IGFN1: variants seen among roughly 807,000 people sequenced by gnomAD.
IGFN1 encodes immunoglobulin-like and fibronectin type III domain-containing protein 1.
IGFN1 carries 253 observed loss-of-function variants against 289.5 expected under a neutral mutation model. The observed-to-expected ratio is 0.87, with a 90% CI of 0.79 to 0.97. The LOEUF is 0.97. Among genes scored for constraint, IGFN1 ranks in the 50% least tolerant of loss-of-function variants. IGFN1 has a pLI of 0.00. For missense variants in IGFN1, 4,470 were observed against 4,686.1 expected (o/e 0.95, Z 1.35); for synonymous variants, 1,706 against 1,788.5 (o/e 0.95, Z 1.16).
chr1:201,199,253 C>A, intron 5 of IGFN1, 81 bp from the exon 6 acceptor site: 1 of 1,245,584 alleles, frequency 8.0e-7, no homozygotes, highest in Non-Finnish European at 1.2e-6. Context: ...CCATCAGTTT[C>A]TCAGGAAGAC....
chr1:201,212,604 G>T lies in IGFN1; in HGVS notation c.7711G>T (p.Gly2571Trp), dbSNP rs759044374. The T allele has an allele frequency of 2.7e-5, 41 of 1,546,474 alleles. No individual in the cohort carries two copies. Among genetic ancestry groups the T allele is most frequent in the Middle Eastern group, 1.7e-4 (1 of 5,978 alleles). The change falls in exon 12 of 24, where the codon GGG becomes TGG. Residue 2571 changes from glycine (G) to tryptophan (W), a missense_variant. By Grantham distance (184) the Gly-to-Trp change is radical. Transcript: ENST00000335211. ...CAGGGGTAGAGTTGCTGGCCAGGGG[G>T]GGTTGGCATCTCAGGGAGGTGGGGA... The part of the protein sequence containing the change: ...TDRGRVAGQG[G>W]LASQGGGDSL...
Position 201,224,827 on chromosome 1 carries a change from C to T in IGFN1, c.10439C>T (p.Thr3480Ile). ...GGTCTCTACACTGTGGTGCTGAGGA[C>T]CCTGCAGGGGAAGGAGGTTGCCCAC... The part of the protein sequence containing the change: ...DSGLYTVVLR[T>I]LQGKEVAHSF... The change falls in exon 21 of 24, where the codon ACC becomes ATC. Residue 3480 changes from threonine (T) to isoleucine (I), a missense_variant. Thr to Ile is a moderately conservative substitution (Grantham distance 89). Coordinates refer to ENST00000335211, the MANE Select transcript of IGFN1 (RefSeq NM_001164586.2). The T allele has an allele frequency of 6.2e-7, 1 of 1,614,082 alleles. No individual in the cohort carries two copies.
In IGFN1 at chr1:201,192,869, G is replaced by T. The variant is rs964346674; in HGVS notation, c.-47-378G>T. On this transcript the variant is annotated intron_variant, in intron 1 of 23. Transcript: ENST00000335211. ...CAGCTGAATCCTTACACAGCTGAAA[G>T]GATCCTGAATGGGTCTGATTTCCTC... Among the ~76,000 whole-genome samples, 9 of 152,202 alleles carry T rather than the reference G, an allele frequency of 5.9e-5. No homozygotes were observed. The South Asian group carries it at 1.0e-3, about 18-fold the overall frequency.
chr1:201,193,104 C>T, intron 1 of IGFN1, 143 bp from the exon 2 acceptor site: 1 of 585,972 alleles, frequency 1.7e-6, no homozygotes, highest in Non-Finnish European at 3.1e-6. Flanking sequence ...CTAATCAGTG[C>T]CATTAGTGGG....
At chr1:201,202,214 G>A (rs1161154034) in intron 9 of IGFN1, among the ~76,000 whole-genome samples, 1 of 152,176 alleles carries the variant, frequency 6.6e-6, no homozygotes, top group Admixed American at 6.5e-5. Context: ...CCAACCAGAT[G>A]GGGGCAGAGG....
At position 201,209,088 on chromosome 1, in the gene IGFN1, C is replaced by T; in HGVS notation, c.4195C>T (p.Pro1399Ser). ...GAGYRAGLRG[P>S]GEMGSLDESG... ...AGGTTACAGGGCTGGTTTAAGGGGT[C>T]CTGGGGAGATGGGGTCACTGGATGA... is the stretch of plus-strand genomic sequence containing the variant. The change falls in exon 12 of 24, where the codon CCT (proline) becomes TCT (serine). Residue 1399 changes from proline to serine, a missense_variant. This residue lies in a region of IGFN1 where 2,011 missense variants were observed against 1,953.4 expected (regional missense o/e 1.03). Transcript: ENST00000335211. The T allele has an allele frequency of 6.5e-7, 1 of 1,530,658 alleles. No individual in the cohort carries two copies. Among genetic ancestry groups the T allele is most frequent in the Non-Finnish European group, 8.7e-7 (1 of 1,145,232 alleles). The allele number at this position is 1,530,658 out of a possible 1,614,324, so 94.8% of individuals were successfully genotyped here.
At chr1:201,195,228 TACA>T (rs903024295) in intron 3 of IGFN1, among the ~76,000 whole-genome samples, 1 of 152,028 alleles carries the variant, frequency 6.6e-6, no homozygotes, top group African/African-American at 2.4e-5. Context: ...CTCTGATCAC[TACA>T]ACATCTGCCT....
intron 11 of IGFN1, 114 bp from the exon 12 acceptor site, chr1:201,205,969 G>T (rs1251091995): frequency 3.1e-5 from 24 of 763,992 alleles, no homozygotes; most frequent in Admixed American, 7.9e-5. Flanking sequence ...TCCAGGTCAG[G>T]CAAGCAGCTG....
In IGFN1 at chr1:201,228,430, C is replaced by G. The variant is rs768322162; in HGVS notation, c.*31C>G. The G allele has an allele frequency of 1.2e-6, 2 of 1,611,756 alleles. No homozygotes were observed. The highest frequency in any genetic ancestry group is 1.7e-6 in the Non-Finnish European group (2 of 1,177,856). On this transcript the variant is annotated 3_prime_UTR_variant, in exon 24 of 24. Coordinates refer to ENST00000335211, the MANE Select transcript of IGFN1 (RefSeq NM_001164586.2). ...CCTCACCCTGGGATGGTCCTGGACC[C>G]TTGAAGCTTCACTTCCGACACCTGC... is the stretch of plus-strand genomic sequence containing the variant.
rs1490622934 is a variant in IGFN1 at position 201,196,715 on chromosome 1, A to G, written c.268-503A>G. ...GTGCCTGGCCTATAGTGAGTACTCAATCAATCTTGGCTAATCTGAGCAATA... is the reference window on the plus strand; with the variant it reads ...GTGCCTGGCCTATAGTGAGTACTCAGTCAATCTTGGCTAATCTGAGCAATA... On this transcript the variant is annotated intron_variant, in intron 4 of 23. Transcript: ENST00000335211. Among the ~76,000 whole-genome samples the G allele has an allele frequency of 2.0e-5, 3 of 152,334 alleles. 1 individual carries two copies. The highest frequency in any genetic ancestry group is 4.4e-5 in the Non-Finnish European group (3 of 68,028).
rs1266978812 is a variant in IGFN1 at position 201,210,047 on chromosome 1, G to A, written c.5154G>A (p.Glu1718=). ...ATAGGAAGGATTTGGGGGCTCCTGA[G>A]GGAATGGGTTCAGGGAGTAAGGCAG... is the stretch of plus-strand genomic sequence containing the variant. The part of the protein sequence containing the change: ...AGYRKDLGAP[E]GMGSGSKAGF... The change falls in exon 12 of 24, where the codon GAG becomes GAA. Residue 1718 remains glutamate (E), a synonymous_variant. Transcript: ENST00000335211. The A allele has an allele frequency of 1.4e-6, 2 of 1,436,910 alleles. No homozygotes were observed. Among genetic ancestry groups the A allele is most frequent in the Admixed American group, 2.3e-5 (1 of 43,886 alleles). 89.0% of individuals were successfully genotyped at this position (1,436,910 alleles called of 1,614,324 possible). A position where few individuals can be genotyped will look rare whatever the true frequency, so the allele number is the denominator to read the frequency against.
chr1:201,204,439 AG>A (rs1026526892), intron 10 of IGFN1, among the ~76,000 whole-genome samples: 7 of 152,202 alleles, frequency 4.6e-5, no homozygotes, highest in Middle Eastern at 3.2e-3. Flanking sequence ...TGCCAGCTCA[AG>A]GGGGTTCTTG....
rs1239094733 is a variant in IGFN1, at chr1:201,205,179, T to A, written c.1014T>A (p.Ser338Arg). The change falls in exon 11 of 24, where the codon AGT (serine) becomes AGA (arginine). Residue 338 changes from serine (S) to arginine (R), a missense_variant. Physicochemically the swap from Ser to Arg is moderately radical, Grantham distance 110. Around this residue, in one of 8 missense-constraint regions of IGFN1, gnomAD observed 2,011 missense variants for 1,953.4 expected, o/e 1.03. Transcript: ENST00000335211. ...GTACCCTCTCCAGCCCCTGCCCTAG[T>A]GCAGCCTGGCATTTCCGGCACCGGC... ...FECTLSSPCPSAAWHFRHRLL... is the reference protein window; with the variant it reads ...FECTLSSPCPRAAWHFRHRLL... The A allele has an allele frequency of 6.4e-7, 1 of 1,551,304 alleles. No homozygotes were observed. The highest frequency in any genetic ancestry group is 8.7e-7 in the Non-Finnish European group (1 of 1,146,978).
chr1:201,196,256 C>T (rs1399391490), intron 4 of IGFN1, among the ~76,000 whole-genome samples: 2 of 152,292 alleles, frequency 1.3e-5, no homozygotes, highest in East Asian at 3.9e-4. Flanking sequence ...CCCAGGCCCA[C>T]CACCTTGGCT....
intron 7 of IGFN1, 126 bp downstream of exon 7, chr1:201,199,780 T>G (rs1667069758): frequency 4.0e-6 from 3 of 749,542 alleles, no homozygotes; most frequent in Non-Finnish European, 6.6e-6. Context: ...AGACTGCCAG[T>G]AGCAGATGGG....
At chr1:201,214,435 G>A (rs1558152782) in intron 13 of IGFN1, 134 bp downstream of exon 13, 5 of 893,850 alleles carry the variant, frequency 5.6e-6, no homozygotes, top group Non-Finnish European at 4.9e-6. Context: ...CTCAGGAGAA[G>A]TTTAAATAGC....
Position 201,211,142 on chromosome 1 carries a change from G to T in IGFN1, c.6249G>T (p.Gly2083=). The T allele has an allele frequency of 6.5e-7, 1 of 1,527,924 alleles. No homozygotes were observed. The highest frequency in any genetic ancestry group is 8.8e-7 in the Non-Finnish European group (1 of 1,141,624). The allele number at this position is 1,527,924 out of a possible 1,614,324, so 94.6% of individuals were successfully genotyped here. A position where few individuals can be genotyped will look rare whatever the true frequency, so the allele number is the denominator to read the frequency against. ...GGGCTCCTAAGGGAATGGGTTCAGG[G>T]AGTAAGACAGGTTTCAGGGATGGTT... ...DLGAPKGMGS[G]SKTGFRDGLG... Residue 2083 remains glycine (G), a synonymous_variant, in exon 12 of 24, where the codon GGG becomes GGT. Transcript: ENST00000335211.
intron 19 of IGFN1, 132 bp from the exon 20 acceptor site, chr1:201,222,607 C>A (rs961192130): frequency 5.0e-6 from 3 of 598,920 alleles, no homozygotes; most frequent in South Asian, 4.2e-5. Flanking sequence ...TTTAGAGGCC[C>A]CAGTATGTTG....
chr1:201,210,918 G>A lies in IGFN1; in HGVS notation c.6025G>A (p.Gly2009Ser), dbSNP rs1414458916. 4.7e-6 allele frequency: 7 copies of A among 1,473,802 alleles called. No homozygotes were observed. The highest frequency in any genetic ancestry group is 6.3e-6 in the Non-Finnish European group (7 of 1,108,404). 91.3% of individuals were successfully genotyped at this position (1,473,802 alleles called of 1,614,324 possible). The change falls in exon 12 of 24, where the codon GGT becomes AGT. Residue 2009 changes from glycine (G) to serine (S), a missense_variant. By Grantham distance (56) the Gly-to-Ser change is moderately conservative (BLOSUM62 0). Around this residue, in one of 8 missense-constraint regions of IGFN1, gnomAD observed 108 missense variants for 128.7 expected, o/e 0.84. Transcript: ENST00000335211. ...RKDLGAPEGI[G>S]SGSKAGFRDG... ...GGATTTGGGGGCTCCTGAGGGAATA[G>A]GTTCAGGGAGTAAGGCAGGTTTCAG...
Sources: gnomAD v4.1 joint callset for allele counts (sites outside exome capture counted in the v4.1 genomes callset) on GRCh38, gnomAD v4.1.1 for gene constraint, gnomAD v4.1.1 regional missense constraint, MANE v1.5 for transcripts, NCBI Gene and HGNC (gene_info 2026-07-23, HGNC 2026-07-21) for gene names.